AGBL4: variants seen among roughly 807,000 people sequenced by gnomAD.
AGBL4 encodes the protein cytosolic carboxypeptidase 6.
In AGBL4, 58 loss-of-function variants were observed where a neutral mutation model predicts 66.4. The observed-to-expected ratio is 0.87, with a 90% CI of 0.71 to 1.09. AGBL4 has a LOEUF of 1.09. AGBL4 is among the 50% of genes least tolerant of loss of function. The pLI, the probability that AGBL4 is intolerant of heterozygous loss-of-function variation, is 0.00. For synonymous variants in AGBL4, 234 were observed against 222.9 expected (o/e 1.05, Z -0.44); for missense variants, 579 against 631.0 (o/e 0.92, Z 0.88).
intron 1 of AGBL4, among the ~76,000 whole-genome samples, chr1:50,013,103 T>C (rs1462720859): frequency 1.3e-5 from 2 of 152,192 alleles, no homozygotes; most frequent in African/African-American, 4.8e-5. Flanking sequence ...GAATTAAAGA[T>C]ACACTGATCT....
At chr1:48,744,374 T>C (rs1650404567) in intron 6 of AGBL4, among the ~76,000 whole-genome samples, 1 of 152,212 alleles carries the variant, frequency 6.6e-6, no homozygotes, top group South Asian at 2.1e-4. Context: ...TTTTGAGACA[T>C]AAACAAATTC....
chr1:49,734,463 G>A (rs1286368883), intron 2 of AGBL4, among the ~76,000 whole-genome samples: 1 of 152,070 alleles, frequency 6.6e-6, no homozygotes, highest in Non-Finnish European at 1.5e-5. Context: ...TAGAATCTAA[G>A]AGCAATATAT....
intron 4 of AGBL4, among the ~76,000 whole-genome samples, chr1:49,174,648 G>GT (rs1471772687): frequency 2.0e-5 from 3 of 152,100 alleles, no homozygotes. Context: ...AGAATACTCT[G>GT]TTTCTGGGAA....
chr1:49,524,072 T>C (rs1156705245), intron 3 of AGBL4, among the ~76,000 whole-genome samples: 1 of 152,056 alleles, frequency 6.6e-6, no homozygotes, highest in African/African-American at 2.4e-5. Flanking sequence ...CTAACACAAA[T>C]GCTACAAGGT....
At chr1:49,881,256 T>C (rs1480783424) in intron 1 of AGBL4, among the ~76,000 whole-genome samples, 27 of 152,136 alleles carry the variant, frequency 1.8e-4, no homozygotes, top group African/African-American at 6.5e-4. Context: ...CCATGGTGTA[T>C]ATGTGCCACA....
At chr1:49,077,325 A>G (rs1473029549) in intron 4 of AGBL4, among the ~76,000 whole-genome samples, 2 of 152,170 alleles carry the variant, frequency 1.3e-5, no homozygotes, top group Non-Finnish European at 2.9e-5. Flanking sequence ...AGCCTCCTGA[A>G]CATGTCTGAT....
At chr1:49,999,325 C>T (rs1660578526) in intron 1 of AGBL4, among the ~76,000 whole-genome samples, 1 of 91,818 alleles carries the variant, frequency 1.1e-5, no homozygotes, top group South Asian at 4.9e-4. Context: ...ACCCCTTTTA[C>T]TACCACTGCA....
At chr1:48,956,344 A>G (rs55995850) in intron 5 of AGBL4, among the ~76,000 whole-genome samples, 3,256 of 152,286 alleles carry the variant, frequency 0.021, 59 homozygotes, top group Non-Finnish European at 0.035. Flanking sequence ...ATGTATTCAA[A>G]ACTCCAGTGC....
chr1:49,260,642 G>T (rs1653049173), intron 3 of AGBL4, among the ~76,000 whole-genome samples: 2 of 152,068 alleles, frequency 1.3e-5, no homozygotes, highest in Non-Finnish European at 2.9e-5. Flanking sequence ...CCAATAACAG[G>T]CTCTGAAATT....
chr1:48,867,133 C>A (rs1050034750), intron 6 of AGBL4, 58 bp downstream of exon 6: 1 of 1,574,542 alleles, frequency 6.4e-7, no homozygotes. Flanking sequence ...GGATAGGCAA[C>A]AAGGCATCAT....
intron 6 of AGBL4, among the ~76,000 whole-genome samples, chr1:48,672,470 A>T (rs1027011836): frequency 1.3e-5 from 2 of 152,168 alleles, no homozygotes; most frequent in African/African-American, 4.8e-5. Context: ...CAACACAACC[A>T]CTTGTCAAGG....
At chr1:48,983,260 G>A (rs1027630188) in intron 5 of AGBL4, among the ~76,000 whole-genome samples, 1 of 151,982 alleles carries the variant, frequency 6.6e-6, no homozygotes, top group Non-Finnish European at 1.5e-5. Context: ...CGCAATTATG[G>A]GTAAACAATG....
At chr1:49,407,516 C>T (rs1570643913) in intron 3 of AGBL4, among the ~76,000 whole-genome samples, 1 of 152,196 alleles carries the variant, frequency 6.6e-6, no homozygotes, top group Admixed American at 6.5e-5. Context: ...TATTTACACA[C>T]TCAGTTGGCT....
intron 3 of AGBL4, among the ~76,000 whole-genome samples, chr1:49,610,570 AG>A (rs1320297763): frequency 6.6e-6 from 1 of 152,194 alleles, no homozygotes; most frequent in Non-Finnish European, 1.5e-5. Context: ...AGACACTGGA[AG>A]GTGATTAGAT....
At chr1:49,371,067 G>A (rs1644330397) in intron 3 of AGBL4, among the ~76,000 whole-genome samples, 1 of 152,034 alleles carries the variant, frequency 6.6e-6, no homozygotes, top group South Asian at 2.1e-4. Context: ...GCCAGTTTTT[G>A]GACCAGAATT....
At chr1:49,562,442 G>A (rs1353328707) in intron 3 of AGBL4, among the ~76,000 whole-genome samples, 2 of 152,094 alleles carry the variant, frequency 1.3e-5, no homozygotes, top group African/African-American at 4.8e-5. Context: ...ATGGTTTGAG[G>A]TCTAACATGT....
At chr1:49,920,937 G>A (rs568238362) in intron 1 of AGBL4, among the ~76,000 whole-genome samples, 2 of 152,338 alleles carry the variant, frequency 1.3e-5, no homozygotes, top group African/African-American at 4.8e-5. Flanking sequence ...CATGTCCTTT[G>A]TAGGGACATG....
intron 3 of AGBL4, among the ~76,000 whole-genome samples, chr1:49,416,369 A>C (rs1645426369): frequency 6.6e-6 from 1 of 152,116 alleles, no homozygotes. Flanking sequence ...AAAATTTCTA[A>C]ATTTAAAATC....
chr1:49,749,599 C>A (rs185660753), intron 2 of AGBL4, among the ~76,000 whole-genome samples: 3 of 152,154 alleles, frequency 2.0e-5, no homozygotes, highest in Admixed American at 2.0e-4. Context: ...GCAGTAGCAA[C>A]AAGCAATGGC....
Sources: allele counts gnomAD v4.1 joint callset (sites outside exome capture counted in the v4.1 genomes callset), GRCh38; gene constraint gnomAD v4.1.1; transcripts MANE v1.5; gene names NCBI Gene and HGNC (gene_info 2026-07-23, HGNC 2026-07-21).